The following TNR variants were observed in gnomAD, a reference collection of about 807,000 sequenced individuals.
TNR encodes tenascin-R.
Under a neutral mutation model 150.4 loss-of-function variants are expected in TNR, and 45 were observed. The observed-to-expected ratio is 0.30, with a 90% CI of 0.24 to 0.38. The LOEUF (loss-of-function observed/expected upper bound fraction) is 0.38, where lower values mean the gene tolerates loss of function less well. TNR is among the 10% of genes least tolerant of loss of function. The pLI is 1.00. For missense variants in TNR, 1,544 were observed against 1,759.1 expected (o/e 0.88, Z 2.19); for synonymous variants, 687 against 678.4 (o/e 1.01, Z -0.20).
rs746182524 is a variant in TNR, at chr1:175,320,935, T to C, written c.*2422A>G. The C allele has an allele frequency of 7.2e-5, 11 of 152,080 alleles. No homozygotes were observed. Among genetic ancestry groups the C allele is most frequent in the Non-Finnish European group, 1.6e-4 (11 of 68,032 alleles). The allele number at this position is 152,080 out of a possible 1,614,324, so 9.4% of individuals were successfully genotyped here. Reference sequence around the variant, plus strand: ...GATTAGCATCATTGACCGTCAAAACTGAAAGGGAAATTAGAACTCATTCTA... The same window carrying C: ...GATTAGCATCATTGACCGTCAAAACCGAAAGGGAAATTAGAACTCATTCTA... On this transcript the variant is annotated 3_prime_UTR_variant, in exon 23 of 23. Transcript: ENST00000367674.
At chr1:175,612,146 G>C (rs1663619116) in intron 1 of TNR, among the ~76,000 whole-genome samples, 1 of 152,064 alleles carries the variant, frequency 6.6e-6, no homozygotes, top group South Asian at 2.1e-4. Context: ...GTTTTTGGGG[G>C]AGCACTGGCC....
At chr1:175,708,540 G>A (rs997382731) in intron 1 of TNR, among the ~76,000 whole-genome samples, 21 of 152,152 alleles carry the variant, frequency 1.4e-4, no homozygotes, top group South Asian at 2.1e-4. Context: ...TAACGGGAAG[G>A]AAGCATCCAC....
chr1:175,612,083 G>A (rs1663617040), intron 1 of TNR, among the ~76,000 whole-genome samples: 1 of 152,092 alleles, frequency 6.6e-6, no homozygotes, highest in Admixed American at 6.5e-5. Context: ...TCCTTTCTAG[G>A]ATGCAGTATG....
In TNR at chr1:175,688,413, A is replaced by C. The variant is rs144310894; in HGVS notation, c.-165+54813T>G. ...CTATTCCGTTTTGTTGTGACTGCCC[A>C]GGAAATCTCTCTGCCTGGAGCAAAG... On this transcript the variant is annotated intron_variant, in intron 1 of 22. Transcript: ENST00000367674. Among the ~76,000 whole-genome samples the C allele has an allele frequency of 4.6e-5, 7 of 152,376 alleles. No homozygotes were observed. The East Asian group carries it at 1.3e-3, about 29-fold the overall frequency.
intron 20 of TNR, 107 bp downstream of exon 20, chr1:175,335,604 T>C (rs1650202197): frequency 9.1e-7 from 1 of 1,097,746 alleles, no homozygotes. Flanking sequence ...GCTGTTAGCT[T>C]CTCAACAAAC....
intron 1 of TNR, among the ~76,000 whole-genome samples, chr1:175,596,539 C>A (rs1408476079): frequency 6.6e-6 from 1 of 152,166 alleles, no homozygotes; most frequent in Admixed American, 6.5e-5. Context: ...AATCAATGAT[C>A]TTTCTAAACT....
At chr1:175,434,901 C>T (rs1024318124) in intron 2 of TNR, among the ~76,000 whole-genome samples, 1 of 152,210 alleles carries the variant, frequency 6.6e-6, no homozygotes, top group Non-Finnish European at 1.5e-5. Context: ...ATCACCTCTT[C>T]CAGGTTGCTT....
At chr1:175,621,866 G>A (rs887160458) in intron 1 of TNR, among the ~76,000 whole-genome samples, 4 of 152,142 alleles carry the variant, frequency 2.6e-5, no homozygotes, top group African/African-American at 4.8e-5. Flanking sequence ...GATTTGTATC[G>A]CACAAAGGTT....
At chr1:175,372,213 T>A (rs1447607331) in intron 9 of TNR, among the ~76,000 whole-genome samples, 1 of 152,244 alleles carries the variant, frequency 6.6e-6, no homozygotes, top group Non-Finnish European at 1.5e-5. Context: ...ATGTTTCCTG[T>A]ACACTCTGCA....
Position 175,363,614 on chromosome 1 carries a change from G to T in TNR, c.2707+94C>A. 9 of 1,462,942 alleles carry T rather than the reference G, an allele frequency of 6.2e-6. No individual in the cohort carries two copies. In the Admixed American group the frequency reaches 6.2e-5, roughly 10 times the overall value. 90.6% of individuals were successfully genotyped at this position (1,462,942 alleles called of 1,614,324 possible). A position where few individuals can be genotyped will look rare whatever the true frequency, so the allele number is the denominator to read the frequency against. On this transcript the variant is annotated intron_variant, in intron 13 of 22. Coordinates refer to ENST00000367674, the MANE Select transcript of TNR (RefSeq NM_003285.3). ...GCATGCCACAGAGAAGAGGAAAAAC[G>T]CAGGCAGGAGTGGATGTTCTGCGGG...
chr1:175,520,821 A>G (rs898489959), intron 2 of TNR, among the ~76,000 whole-genome samples: 3 of 152,036 alleles, frequency 2.0e-5, no homozygotes, highest in Non-Finnish European at 4.4e-5. Flanking sequence ...CCATGTTCTA[A>G]AATTATTTTT....
intron 1 of TNR, among the ~76,000 whole-genome samples, chr1:175,734,217 T>TTC (rs1667716199): frequency 6.6e-6 from 1 of 152,184 alleles, no homozygotes; most frequent in South Asian, 2.1e-4. Flanking sequence ...AGCCTCAAAA[T>TTC]ACACCCTTCC....
intron 2 of TNR, among the ~76,000 whole-genome samples, chr1:175,479,323 T>C (rs1657677270): frequency 6.6e-6 from 1 of 152,180 alleles, no homozygotes; most frequent in South Asian, 2.1e-4. Flanking sequence ...TTAGAATACA[T>C]TCAGAGGGCC....
At chr1:175,491,642 C>CT (rs60469855) in intron 2 of TNR, among the ~76,000 whole-genome samples, 2,166 of 85,140 alleles carry the variant, frequency 0.025, 46 homozygotes, top group African/African-American at 0.038. Context: ...CAGGCCCAGA[C>CT]TTTTTTTTTT....
At chr1:175,634,346 C>T (rs1445323134) in intron 1 of TNR, among the ~76,000 whole-genome samples, 1 of 152,170 alleles carries the variant, frequency 6.6e-6, no homozygotes, top group Non-Finnish European at 1.5e-5. Context: ...ATCTCTTATC[C>T]CACATCCCCA....
At chr1:175,598,428 C>A (rs1421324298) in intron 1 of TNR, among the ~76,000 whole-genome samples, 1 of 152,174 alleles carries the variant, frequency 6.6e-6, no homozygotes, top group Non-Finnish European at 1.5e-5. Flanking sequence ...GTGCTATTTT[C>A]CATGGGACAC....
intron 1 of TNR, among the ~76,000 whole-genome samples, chr1:175,662,494 G>T (rs1351165762): frequency 6.6e-6 from 1 of 152,178 alleles, no homozygotes; most frequent in Non-Finnish European, 1.5e-5. Flanking sequence ...CCCCAGCCAG[G>T]CCTAATGCTT....
chr1:175,578,502 T>C (rs1217237131), intron 1 of TNR, among the ~76,000 whole-genome samples: 1 of 151,946 alleles, frequency 6.6e-6, no homozygotes, highest in African/African-American at 2.4e-5. Context: ...GTGGATAGAA[T>C]ATGAAAATGA....
At chr1:175,341,147 G>A (rs1350579732) in intron 18 of TNR, among the ~76,000 whole-genome samples, 1 of 152,162 alleles carries the variant, frequency 6.6e-6, no homozygotes, top group South Asian at 2.1e-4. Context: ...TTAGGAGACT[G>A]TCAGGGCAAA....
Sources: gnomAD v4.1 joint callset for allele counts (sites outside exome capture counted in the v4.1 genomes callset) on GRCh38, gnomAD v4.1.1 for gene constraint, MANE v1.5 for transcripts, NCBI Gene and HGNC (gene_info 2026-07-23, HGNC 2026-07-21) for gene names.